The following TEAD1 variants were observed in gnomAD, a reference collection of about 807,000 sequenced individuals.
TEAD1 encodes transcriptional enhancer factor TEF-1.
A neutral mutation model predicts 54.9 loss-of-function variants in TEAD1; 9 were observed. That is an observed-to-expected ratio of 0.16 (90% CI 0.10 to 0.29). The LOEUF (loss-of-function observed/expected upper bound fraction) is 0.29. Among genes scored for constraint, TEAD1 ranks in the 10% least tolerant of loss-of-function variants. The pLI is 1.00. For synonymous variants in TEAD1, 200 were observed against 187.8 expected, an observed-to-expected ratio of 1.07 and a Z score of -0.53; for missense variants, 387 against 535.9, an observed-to-expected ratio of 0.72 and a Z score of 2.74.
chr11:12,715,796 T>G (rs1944047236), intron 2 of TEAD1, among the ~76,000 whole-genome samples: 1 of 152,040 alleles, frequency 6.6e-6, no homozygotes, highest in South Asian at 2.1e-4. Context: ...TGGGAAAAAT[T>G]TATACTAATA....
At chr11:12,896,369 T>C (rs1948316035) in intron 9 of TEAD1, among the ~76,000 whole-genome samples, 1 of 152,188 alleles carries the variant, frequency 6.6e-6, no homozygotes, top group Admixed American at 6.5e-5. Flanking sequence ...TTAGGCCCCA[T>C]CTCTTTTTAA....
intron 3 of TEAD1, among the ~76,000 whole-genome samples, chr11:12,847,862 G>T (rs1442066875): frequency 1.3e-5 from 2 of 152,132 alleles, no homozygotes; most frequent in East Asian, 1.9e-4. Context: ...CAGCTGTCCT[G>T]AATCTAAGCT....
In TEAD1 at chr11:12,924,830, G is replaced by A. The variant is rs867179781; in HGVS notation, c.874-82G>A. ...AGCCCTCTTCATTCAGCCAAGCAGA[G>A]GTCTTACCCTGAAAGTTACTGCTCG... On this transcript the variant is annotated intron_variant, in intron 10 of 12. Transcript: ENST00000527636. The A allele has an allele frequency of 4.1e-4, 641 of 1,546,042 alleles. 1 individual carries two copies. The Middle Eastern group carries it at 9.1e-3, about 22-fold the overall frequency.
chr11:12,935,978 A>G (rs1417517933), intron 12 of TEAD1, among the ~76,000 whole-genome samples: 1 of 152,180 alleles, frequency 6.6e-6, no homozygotes, highest in African/African-American at 2.4e-5. Flanking sequence ...AAGCTTGGAT[A>G]CCTTAAGAGC....
chr11:12,911,974 C>T (rs1948626106), intron 10 of TEAD1, among the ~76,000 whole-genome samples: 1 of 151,334 alleles, frequency 6.6e-6, no homozygotes, highest in African/African-American at 2.4e-5. Context: ...TTTTAAGTTA[C>T]CTGGAAAGTT....
intron 2 of TEAD1, among the ~76,000 whole-genome samples, chr11:12,689,183 T>TTA (rs1159028975): frequency 3.9e-5 from 6 of 152,182 alleles, no homozygotes; most frequent in Non-Finnish European, 8.8e-5. Flanking sequence ...CTTATCACTT[T>TTA]AAGATCTCAG....
chr11:12,709,681 A>AT (rs1164846583), intron 2 of TEAD1, among the ~76,000 whole-genome samples: 3 of 151,930 alleles, frequency 2.0e-5, no homozygotes, highest in South Asian at 4.2e-4. Context: ...CGCCTGGCTG[A>AT]TTTTTTAATT....
chr11:12,794,817 A>G (rs1010034322), intron 3 of TEAD1, among the ~76,000 whole-genome samples: 13 of 152,192 alleles, frequency 8.5e-5, no homozygotes, highest in African/African-American at 3.1e-4. Flanking sequence ...AGATGCCTGG[A>G]CACATCTCTC....
intron 2 of TEAD1, among the ~76,000 whole-genome samples, chr11:12,750,709 G>A (rs1041350349): frequency 3.9e-5 from 6 of 152,080 alleles, no homozygotes; most frequent in African/African-American, 1.4e-4. Flanking sequence ...TTCAGCCTCT[G>A]CTCTAGCCTT....
In TEAD1 at chr11:12,882,278, C is replaced by A. The variant is rs117025650; in HGVS notation, c.574+321C>A. Among the ~76,000 whole-genome samples, 539 of 152,292 alleles carry A rather than the reference C, an allele frequency of 3.5e-3. 1 individual carries two copies. The highest frequency in any genetic ancestry group is 8.8e-3 in the Admixed American group (135 of 15,300). ...ATATAAACTGGCCAAATTAGGCAGT[C>A]TAAGTCTCAAGGCCAGATAGGGTTT... On this transcript the variant is annotated intron_variant, in intron 8 of 12. Coordinates refer to ENST00000527636, the MANE Select transcript of TEAD1 (RefSeq NM_021961.6).
rs1019226575 is a variant in TEAD1 at position 12,796,680 on chromosome 11, C to T, written c.202+32246C>T. On this transcript the variant is annotated intron_variant, in intron 3 of 12. Coordinates refer to ENST00000527636, the MANE Select transcript of TEAD1 (RefSeq NM_021961.6). ...GGTTGAGGCTTCAGTGAGCCATGATCGCACCACTGCACTGCAGCCTGGGCA... is the reference window on the plus strand; with the variant it reads ...GGTTGAGGCTTCAGTGAGCCATGATTGCACCACTGCACTGCAGCCTGGGCA... Among the ~76,000 whole-genome samples, 22 of 151,398 alleles carry T rather than the reference C, an allele frequency of 1.5e-4. 2 individuals carry two copies. The highest frequency in any genetic ancestry group is 4.2e-4 in the South Asian group (2 of 4,784).
chr11:12,756,289 G>A (rs186708971), intron 2 of TEAD1, among the ~76,000 whole-genome samples: 9 of 152,302 alleles, frequency 5.9e-5, no homozygotes, highest in Admixed American at 3.9e-4. Flanking sequence ...TGCTGCTGTC[G>A]TTGTGGCACA....
At chr11:12,697,268 C>T (rs1340160873) in intron 2 of TEAD1, among the ~76,000 whole-genome samples, 1 of 150,754 alleles carries the variant, frequency 6.6e-6, no homozygotes, top group Non-Finnish European at 1.5e-5. Context: ...CAGGTGAGTA[C>T]TTCCTCTGTT....
chr11:12,842,334 A>G (rs918506422), intron 3 of TEAD1, among the ~76,000 whole-genome samples: 3 of 152,180 alleles, frequency 2.0e-5, no homozygotes, highest in African/African-American at 4.8e-5. Flanking sequence ...CCCTGGGCTT[A>G]AAAGTATGTT....
chr11:12,935,206 C>A (rs889111899), intron 12 of TEAD1, among the ~76,000 whole-genome samples: 3 of 152,088 alleles, frequency 2.0e-5, no homozygotes, highest in Admixed American at 6.5e-5. Context: ...CTAGTTCAGG[C>A]GGAAGCTGAG....
chr11:12,846,240 G>A (rs960762653), intron 3 of TEAD1, among the ~76,000 whole-genome samples: 5 of 144,608 alleles, frequency 3.5e-5, no homozygotes, highest in African/African-American at 1.3e-4. Context: ...AGTGGAGCCC[G>A]CCCTCCCCCA....
chr11:12,821,940 C>G lies in TEAD1; in HGVS notation c.203-40310C>G, dbSNP rs1422709073. ...TTTCTCTTTCCTCTTTTCCTATACTCTCTCTCCTTTTTCTCTTTTCCTTTT... is the reference window on the plus strand; with the variant it reads ...TTTCTCTTTCCTCTTTTCCTATACTGTCTCTCCTTTTTCTCTTTTCCTTTT... On this transcript the variant is annotated intron_variant, in intron 3 of 12. Transcript: ENST00000527636. 2.9e-5 allele frequency among the ~76,000 whole-genome samples: 4 copies of G among 136,516 alleles called. No individual in the cohort carries two copies. In the South Asian group the frequency reaches 1.0e-3, roughly 34 times the overall value. The allele number at this position is 136,516 out of a possible 152,430, so 89.6% of individuals were successfully genotyped here. A position where few individuals can be genotyped will look rare whatever the true frequency, so the allele number is the denominator to read the frequency against.
At chr11:12,728,524 G>A (rs976357232) in intron 2 of TEAD1, among the ~76,000 whole-genome samples, 2 of 152,174 alleles carry the variant, frequency 1.3e-5, no homozygotes, top group African/African-American at 4.8e-5. Context: ...GGGGTATAAG[G>A]TAGCTGTGAC....
At chr11:12,819,219 T>C (rs1010078826) in intron 3 of TEAD1, among the ~76,000 whole-genome samples, 3 of 151,916 alleles carry the variant, frequency 2.0e-5, no homozygotes, top group Non-Finnish European at 1.5e-5. Flanking sequence ...CTTCCTCTTG[T>C]ACTGGTGACT....
Sources: gnomAD v4.1 joint callset for allele counts (sites outside exome capture counted in the v4.1 genomes callset) on GRCh38, gnomAD v4.1.1 for gene constraint, MANE v1.5 for transcripts, NCBI Gene and HGNC (gene_info 2026-07-23, HGNC 2026-07-21) for gene names.